The following EGLN1 variants were observed in gnomAD, a reference collection of about 807,000 sequenced individuals.
The protein encoded by EGLN1 is egl nine homolog 1.
A neutral mutation model predicts 38.3 loss-of-function variants in EGLN1; 17 were observed. The ratio of observed to expected loss-of-function variants is 0.44; its 90% CI spans 0.30 to 0.67. EGLN1 has a LOEUF of 0.67. EGLN1 is among the 30% of genes least tolerant of loss of function. EGLN1 has a pLI of 0.08. For missense variants in EGLN1, 477 were observed against 603.3 expected (o/e 0.79, Z 2.19); for synonymous variants, 283 against 257.5 (o/e 1.10, Z -0.95).
chr1:231,377,243 T>TA (rs1458112546), intron 1 of EGLN1, among the ~76,000 whole-genome samples: 1 of 152,216 alleles, frequency 6.6e-6, no homozygotes, highest in African/African-American at 2.4e-5. Context: ...CTCATTCCTC[T>TA]AAACTGAGGT....
At chr1:231,411,262 C>T (rs1042916624) in intron 1 of EGLN1, among the ~76,000 whole-genome samples, 6 of 152,058 alleles carry the variant, frequency 3.9e-5, no homozygotes, top group Non-Finnish European at 7.4e-5. Context: ...CAATTCTCCC[C>T]GCCTCCTTCT....
At chr1:231,384,264 A>G (rs900669923) in intron 1 of EGLN1, among the ~76,000 whole-genome samples, 2 of 152,196 alleles carry the variant, frequency 1.3e-5, no homozygotes, top group Non-Finnish European at 2.9e-5. Context: ...ACTGTTCTAG[A>G]TCTTGGGGAT....
chr1:231,391,063 T>TGTGTGAGA (rs143905935), intron 1 of EGLN1, among the ~76,000 whole-genome samples: 10,920 of 82,752 alleles, frequency 0.13, 1,401 homozygotes, highest in Admixed American at 0.18. Context: ...CGTGTGTGTG[T>TGTGTGAGA]GAGACAGGGA....
intron 1 of EGLN1, among the ~76,000 whole-genome samples, chr1:231,385,847 TTTTTTC>T (rs1688192131): frequency 6.6e-6 from 1 of 152,160 alleles, no homozygotes. Context: ...AGGAGCTGAT[TTTTTTC>T]TTTTTCTATT....
intron 1 of EGLN1, among the ~76,000 whole-genome samples, chr1:231,413,472 T>C (rs1214241868): frequency 1.3e-5 from 2 of 152,188 alleles, no homozygotes; most frequent in Non-Finnish European, 2.9e-5. Context: ...TTCATTCAAG[T>C]CACTATTTAA....
intron 1 of EGLN1, among the ~76,000 whole-genome samples, chr1:231,405,256 T>C (rs1177645416): frequency 4.6e-5 from 7 of 152,154 alleles, no homozygotes; most frequent in Non-Finnish European, 1.0e-4. Flanking sequence ...CACTGCAAGC[T>C]CCGCCTCCCG....
intron 1 of EGLN1, among the ~76,000 whole-genome samples, chr1:231,381,563 AACTTAAATATAC>A (rs1282882358): frequency 1.3e-5 from 2 of 152,168 alleles, no homozygotes; most frequent in Non-Finnish European, 2.9e-5. Flanking sequence ...TGATTAAAAA[AACTTAAATATAC>A]ACTTAAAAAT....
At chr1:231,367,888 A>G (rs964162689) in intron 3 of EGLN1, among the ~76,000 whole-genome samples, 1 of 152,258 alleles carries the variant, frequency 6.6e-6, no homozygotes. Context: ...ACTGCAGATC[A>G]GAAAGAGACA....
intron 1 of EGLN1, among the ~76,000 whole-genome samples, chr1:231,410,076 C>G (rs1427832173): frequency 6.6e-6 from 1 of 152,116 alleles, no homozygotes; most frequent in East Asian, 1.9e-4. Flanking sequence ...GCAGACACTG[C>G]CAAGGAAGAA....
chr1:231,390,694 A>AAATG (rs1688343104), intron 1 of EGLN1, among the ~76,000 whole-genome samples: 2 of 152,228 alleles, frequency 1.3e-5, no homozygotes, highest in Admixed American at 6.5e-5. Context: ...TTAATCAAAT[A>AAATG]AATGAATGTT....
chr1:231,380,490 T>C (rs957503557), intron 1 of EGLN1, among the ~76,000 whole-genome samples: 1 of 105,164 alleles, frequency 9.5e-6, no homozygotes, highest in Non-Finnish European at 2.4e-5. Flanking sequence ...AAAAGACATA[T>C]AAGGGCATAT....
At chr1:231,371,525 C>T (rs982964589) in intron 2 of EGLN1, among the ~76,000 whole-genome samples, 1 of 152,198 alleles carries the variant, frequency 6.6e-6, no homozygotes, top group Non-Finnish European at 1.5e-5. Context: ...TCACCATCAG[C>T]ATATAGTTCA....
chr1:231,376,846 A>G (rs1042457108), intron 1 of EGLN1, among the ~76,000 whole-genome samples: 1 of 152,184 alleles, frequency 6.6e-6, no homozygotes, highest in Admixed American at 6.5e-5. Context: ...AGAGAGAGCA[A>G]TGTGGCAGAG....
chr1:231,382,520 G>GCT (rs892353114), intron 1 of EGLN1, among the ~76,000 whole-genome samples: 3 of 152,210 alleles, frequency 2.0e-5, no homozygotes, highest in Admixed American at 2.0e-4. Flanking sequence ...CAGTATTAGA[G>GCT]AAGAATGGTA....
chr1:231,386,486 T>G (rs193036612), intron 1 of EGLN1, among the ~76,000 whole-genome samples: 102 of 152,378 alleles, frequency 6.7e-4, no homozygotes, highest in African/African-American at 2.5e-3. Context: ...ATTAACCTCA[T>G]TCTACTTTTA....
At chr1:231,368,248 A>G (rs1236275990) in intron 3 of EGLN1, among the ~76,000 whole-genome samples, 10 of 152,198 alleles carry the variant, frequency 6.6e-5, no homozygotes, top group African/African-American at 2.4e-5. Flanking sequence ...AAAGCACATT[A>G]TCAATAGCAC....
rs1285548861 is a variant in EGLN1, at chr1:231,421,965, T to C, written c.-77A>G. ...GCGGCCGGACGGCCTCGCCCGAGGCTGGGGAGCGGGGAGAGAGATAGGGGC... is the reference window on the plus strand; with the variant it reads ...GCGGCCGGACGGCCTCGCCCGAGGCCGGGGAGCGGGGAGAGAGATAGGGGC... On this transcript the variant is annotated 5_prime_UTR_variant, in exon 1 of 5. Coordinates refer to ENST00000366641, the MANE Select transcript of EGLN1 (RefSeq NM_022051.3). This position sits in a 1 kb window ranked among gnomAD's most constrained non-coding sequence, Gnocchi z 5.5. 1.4e-5 allele frequency: 18 copies of C among 1,314,698 alleles called. No homozygotes were observed. Among genetic ancestry groups the C allele is most frequent in the Non-Finnish European group, 1.9e-6 (2 of 1,039,190 alleles). The allele number at this position is 1,314,698 out of a possible 1,614,324, so 81.4% of individuals were successfully genotyped here. A position where few individuals can be genotyped will look rare whatever the true frequency, so the allele number is the denominator to read the frequency against.
At chr1:231,390,870 G>A (rs1209842157) in intron 1 of EGLN1, among the ~76,000 whole-genome samples, 1 of 149,012 alleles carries the variant, frequency 6.7e-6, no homozygotes, top group East Asian at 1.9e-4. Flanking sequence ...TTTTTTTTAA[G>A]AGACAAGGTC....
At position 231,410,946 on chromosome 1, in the gene EGLN1, C is replaced by T. The variant is rs540590753; in HGVS notation, c.891+10052G>A. ...AGACCTAACAGAAATTGGTAGAAGA[C>T]ATCACACAGGTAAAATATGCCTTGA... On this transcript the variant is annotated intron_variant, in intron 1 of 4. Coordinates refer to ENST00000366641, the MANE Select transcript of EGLN1 (RefSeq NM_022051.3). Among the ~76,000 whole-genome samples the T allele has an allele frequency of 5.3e-5, 8 of 152,062 alleles. No homozygotes were observed. In the South Asian group the frequency reaches 1.7e-3, roughly 32 times the overall value.
Sources: gnomAD v4.1 joint callset for allele counts (sites outside exome capture counted in the v4.1 genomes callset) on GRCh38, gnomAD v4.1.1 for gene constraint, Gnocchi (gnomAD v3.1) non-coding constraint, MANE v1.5 for transcripts, NCBI Gene and HGNC (gene_info 2026-07-23, HGNC 2026-07-21) for gene names.